DBX2: variants seen among roughly 807,000 people sequenced by gnomAD.
The protein encoded by DBX2 is homeobox protein DBX2.
A neutral mutation model predicts 17.7 loss-of-function variants in DBX2; 16 were observed. The ratio of observed to expected loss-of-function variants is 0.90; its 90% CI spans 0.61 to 1.37. DBX2 has a LOEUF of 1.37. Among genes scored for constraint, DBX2 ranks in the 40% most tolerant of loss-of-function variants. The pLI is 0.00. For synonymous variants in DBX2, 255 were observed against 183.8 expected, an observed-to-expected ratio of 1.39 and a Z score of -3.13; for missense variants, 538 against 433.8, an observed-to-expected ratio of 1.24 and a Z score of -2.13.
At chr12:45,033,826 A>T (rs1036524972) in intron 2 of DBX2, among the ~76,000 whole-genome samples, 1 of 152,142 alleles carries the variant, frequency 6.6e-6, no homozygotes, top group Non-Finnish European at 1.5e-5. Flanking sequence ...TTTAAGAAAA[A>T]GATAAACACA....
intron 1 of DBX2, among the ~76,000 whole-genome samples, chr12:45,042,250 C>A (rs934987106): frequency 1.3e-5 from 2 of 152,146 alleles, no homozygotes; most frequent in African/African-American, 4.8e-5. Context: ...GAGATCAAGA[C>A]TAAAACAGCA....
At chr12:45,042,868 C>T (rs1946479071) in intron 1 of DBX2, among the ~76,000 whole-genome samples, 1 of 152,190 alleles carries the variant, frequency 6.6e-6, no homozygotes, top group Non-Finnish European at 1.5e-5. Context: ...GGCTTCCCTC[C>T]AGCTGTGGGA....
chr12:45,050,812 A>T lies in DBX2; in HGVS notation c.116T>A (p.Leu39Gln). The T allele has an allele frequency of 6.5e-7, 1 of 1,538,174 alleles. No individual in the cohort carries two copies. Among genetic ancestry groups the T allele is most frequent in the Non-Finnish European group, 8.7e-7 (1 of 1,144,850 alleles). ...CCCGACCCGCAGCAAATTCTCGATC[A>T]GGAAACTCTTGCCCAGGTTGCCAAA... ...PGFGNLGKSF[L>Q]IENLLRVGGA... is the part of the protein sequence containing the mutation. Residue 39 changes from leucine to glutamine, a missense_variant, in exon 1 of 4, where the codon CTG (leucine) becomes CAG (glutamine). Physicochemically the swap from Leu to Gln is moderately radical, Grantham distance 113. Coordinates refer to ENST00000332700, the MANE Select transcript of DBX2 (RefSeq NM_001004329.3).
chr12:45,037,900 T>C (rs905602355), intron 1 of DBX2, among the ~76,000 whole-genome samples: 1 of 152,098 alleles, frequency 6.6e-6, no homozygotes, highest in African/African-American at 2.4e-5. Flanking sequence ...GAATCAAGTG[T>C]TTGTTTTAAT....
In DBX2 at chr12:45,051,054, G is replaced by A. The variant is rs1052697624; in HGVS notation, c.-127C>T. On this transcript the variant is annotated 5_prime_UTR_variant, in exon 1 of 4. Coordinates refer to ENST00000332700, the MANE Select transcript of DBX2 (RefSeq NM_001004329.3). Reference sequence around the variant, plus strand: ...CGCAGGGCTGGAGCGCGCGGAGCCAGGCAGGGAGGAAAGGCCACCCGGGAC... The same window carrying A: ...CGCAGGGCTGGAGCGCGCGGAGCCAAGCAGGGAGGAAAGGCCACCCGGGAC... The A allele has an allele frequency of 3.0e-5, 36 of 1,196,162 alleles. No individual in the cohort carries two copies. Among genetic ancestry groups the A allele is most frequent in the Non-Finnish European group, 3.6e-5 (34 of 943,596 alleles). 74.1% of individuals were successfully genotyped at this position (1,196,162 alleles called of 1,614,324 possible). A position where few individuals can be genotyped will look rare whatever the true frequency, so the allele number is the denominator to read the frequency against.
intron 3 of DBX2, among the ~76,000 whole-genome samples, chr12:45,021,689 T>C (rs1946352921): frequency 6.6e-6 from 1 of 152,192 alleles, no homozygotes; most frequent in Non-Finnish European, 1.5e-5. Flanking sequence ...ACAGCTCCTC[T>C]GAGATCAGAG....
At chr12:45,039,692 T>G (rs1236997081) in intron 1 of DBX2, among the ~76,000 whole-genome samples, 2 of 152,012 alleles carry the variant, frequency 1.3e-5, no homozygotes, top group African/African-American at 4.8e-5. Flanking sequence ...TCGACACATC[T>G]GAAATGTGAT....
At chr12:45,021,153 T>C (rs1946349939) in intron 3 of DBX2, among the ~76,000 whole-genome samples, 1 of 152,162 alleles carries the variant, frequency 6.6e-6, no homozygotes, top group Non-Finnish European at 1.5e-5. Context: ...ATTGATATAA[T>C]TGTGTAATTG....
intron 2 of DBX2, among the ~76,000 whole-genome samples, chr12:45,031,502 T>A (rs1946411096): frequency 6.6e-6 from 1 of 152,136 alleles, no homozygotes; most frequent in Non-Finnish European, 1.5e-5. Flanking sequence ...TTGCATACAG[T>A]AGACCTGAGT....
At chr12:45,049,772 A>T (rs1176037627) in intron 1 of DBX2, among the ~76,000 whole-genome samples, 1 of 151,976 alleles carries the variant, frequency 6.6e-6, no homozygotes, top group Non-Finnish European at 1.5e-5. Context: ...CTAATATTTG[A>T]CTAAATTGTC....
rs61739294 is a variant in DBX2, at chr12:45,036,038, T to C, written c.480A>G (p.Ala160=). ...ACTTACTTGGAAAAGCAGTGGAGGATGCAGGGCGCCGACAGGACCCACCGC... is the reference window on the plus strand; with the variant it reads ...ACTTACTTGGAAAAGCAGTGGAGGACGCAGGGCGCCGACAGGACCCACCGC... ...ACCGGSCRRP[A]SSTAFPREES... Residue 160 remains alanine (A), a synonymous_variant, in exon 2 of 4, where the codon GCA becomes GCG. Transcript: ENST00000332700. The C allele has an allele frequency of 1.2e-6, 2 of 1,613,542 alleles. No homozygotes were observed. Among genetic ancestry groups the C allele is most frequent in the East Asian group, 4.5e-5 (2 of 44,856 alleles).
chr12:45,043,087 A>G (rs1280008872), intron 1 of DBX2, among the ~76,000 whole-genome samples: 1 of 152,190 alleles, frequency 6.6e-6, no homozygotes, highest in African/African-American at 2.4e-5. Context: ...ACTCTGTGTG[A>G]TTAATTCCTG....
chr12:45,034,760 T>TA (rs1409997535), intron 2 of DBX2, among the ~76,000 whole-genome samples: 1 of 152,212 alleles, frequency 6.6e-6, no homozygotes, highest in East Asian at 1.9e-4. Flanking sequence ...TCAAGTGCTT[T>TA]AAATGGTGTC....
intron 3 of DBX2, among the ~76,000 whole-genome samples, chr12:45,018,843 A>G (rs1363563368): frequency 6.6e-6 from 1 of 152,100 alleles, no homozygotes; most frequent in Non-Finnish European, 1.5e-5. Flanking sequence ...ACATGCTACA[A>G]CAGAAATGAA....
chr12:45,023,500 A>G (rs1946364211), intron 3 of DBX2, among the ~76,000 whole-genome samples: 1 of 152,172 alleles, frequency 6.6e-6, no homozygotes, highest in Non-Finnish European at 1.5e-5. Context: ...ATCTCCACCC[A>G]CTAAAAAATT....
intron 2 of DBX2, among the ~76,000 whole-genome samples, chr12:45,031,697 G>A (rs946348177): frequency 2.6e-5 from 4 of 152,290 alleles, no homozygotes; most frequent in Admixed American, 1.3e-4. Context: ...CTCCAGAACT[G>A]AACGGGTGCA....
At chr12:45,019,761 T>C (rs1197001183) in intron 3 of DBX2, among the ~76,000 whole-genome samples, 1 of 151,952 alleles carries the variant, frequency 6.6e-6, no homozygotes, top group Non-Finnish European at 1.5e-5. Context: ...AAGGAAGCAA[T>C]CCATAATATT....
intron 1 of DBX2, among the ~76,000 whole-genome samples, chr12:45,045,588 G>T (rs1033860910): frequency 2.6e-5 from 4 of 152,188 alleles, no homozygotes; most frequent in African/African-American, 9.7e-5. Flanking sequence ...ACTAAGAACA[G>T]GAAGGAGGTG....
chr12:45,039,303 ATATATATATATATATATATG>A lies in DBX2; in HGVS notation c.404-3209_404-3190del, dbSNP rs1227130292. On this transcript the variant is annotated intron_variant, in intron 1 of 3. Transcript: ENST00000332700. ...TATATATATATATATATATATATAT[ATATATATATATATATATATG>A]TATCACACTTTTAACTTTAGTGAAC... Among the ~76,000 whole-genome samples, 13 of 111,366 alleles carry A rather than the reference ATATATATATATATATATATG, an allele frequency of 1.2e-4. No homozygotes were observed. In the East Asian group the frequency reaches 1.9e-3, roughly 16 times the overall value. The allele number at this position is 111,366 out of a possible 152,430, so 73.1% of individuals were successfully genotyped here. A position where few individuals can be genotyped will look rare whatever the true frequency, so the allele number is the denominator to read the frequency against.
Sources: allele counts gnomAD v4.1 joint callset (sites outside exome capture counted in the v4.1 genomes callset), GRCh38; gene constraint gnomAD v4.1.1; transcripts MANE v1.5; gene names NCBI Gene and HGNC (gene_info 2026-07-23, HGNC 2026-07-21).